Variants in ALMS1 observed in about 807,000 individuals in gnomAD.
ALMS1 encodes the protein centrosome-associated protein ALMS1.
ALMS1 carries 271 observed loss-of-function variants against 352.2 expected under a neutral mutation model. The observed-to-expected ratio is 0.77, with a 90% CI of 0.70 to 0.85. The LOEUF is 0.85. Among genes scored for constraint, ALMS1 ranks in the 40% least tolerant of loss-of-function variants. The probability of loss-of-function intolerance (pLI) is 0.00; values close to 1 mark genes in which losing one functional copy is unlikely to be tolerated. For synonymous variants in ALMS1, 1,865 were observed against 1,761.2 expected (o/e 1.06, Z -1.48); for missense variants, 5,445 against 4,870.7 (o/e 1.12, Z -3.51).
rs1283224132 is a variant in ALMS1 at position 73,385,895 on chromosome 2, G to C, written c.27G>C (p.Pro9=). ...TGGAGCCCGAGGATCTGCCATGGCC[G>C]GGCGAGCTGGAGGAGGAGGAGGAGG... MEPEDLPW[P]GELEEEEEEE... is the part of the protein sequence containing the mutation. The change falls in exon 1 of 23, where the codon CCG becomes CCC. Residue 9 remains proline (P), a synonymous_variant. Coordinates refer to ENST00000613296, the MANE Select transcript of ALMS1 (RefSeq NM_001378454.1). 2.3e-6 allele frequency: 2 copies of C among 882,650 alleles called. No homozygotes were observed. The highest frequency in any genetic ancestry group is 3.6e-6 in the Non-Finnish European group (2 of 552,600). 54.7% of individuals were successfully genotyped at this position (882,650 alleles called of 1,614,324 possible).
intron 16 of ALMS1, among the ~76,000 whole-genome samples, chr2:73,582,514 GAAC>G (rs141356237): frequency 0.048 from 7,249 of 152,128 alleles, 416 homozygotes; most frequent in African/African-American, 0.12. Context: ...TATACCCATT[GAAC>G]AACAACTGCC....
intron 9 of ALMS1, among the ~76,000 whole-genome samples, chr2:73,473,234 A>G (rs570077649): frequency 1.4e-5 from 2 of 144,290 alleles, no homozygotes; most frequent in East Asian, 4.3e-4. Flanking sequence ...CCCAACACAG[A>G]GCAAAAAAGA....
At chr2:73,595,212 A>T (rs1257783666) in intron 16 of ALMS1, among the ~76,000 whole-genome samples, 2 of 152,208 alleles carry the variant, frequency 1.3e-5, no homozygotes, top group African/African-American at 4.8e-5. Flanking sequence ...CATCCATTTT[A>T]AGTGTACAGT....
Position 73,550,302 on chromosome 2 carries a change from C to T in ALMS1, c.9943C>T (p.Gln3315Ter). The stretch of plus-strand genomic sequence containing the variant: ...TGCCATTGCTCCAGACTTCCCAGCT[C>T]AGGTGCTAGGCACAAGAGATGATGA... ...NDAIAPDFPA[Q>*]VLGTRDDDLS... The change falls in exon 13 of 23, where the codon CAG becomes TAG. Residue 3315 changes from glutamine (Q) to a stop codon, truncating the protein, a stop_gained. Transcript: ENST00000613296. LOFTEE classifies it high-confidence loss of function. 1 of 1,614,098 alleles carries T rather than the reference C, an allele frequency of 6.2e-7. No individual in the cohort carries two copies. The highest frequency in any genetic ancestry group is 1.1e-5 in the South Asian group (1 of 91,056).
chr2:73,572,782 T>C lies in ALMS1; in HGVS notation c.10905T>C (p.Ile3635=), dbSNP rs766717499. Residue 3635 remains isoleucine (I), a synonymous_variant, in exon 16 of 23, where the codon ATT becomes ATC. Coordinates refer to ENST00000613296, the MANE Select transcript of ALMS1 (RefSeq NM_001378454.1). ...ACCGACTTGATCGTTTGGCTAAAAT[T>C]CTTCAGAATCCAATCACACATTCTC... ...LVDRLDRLAK[I]LQNPITHSLQ... 1 of 1,614,062 alleles carries C rather than the reference T, an allele frequency of 6.2e-7. No individual in the cohort carries two copies. The highest frequency in any genetic ancestry group is 1.1e-5 in the South Asian group (1 of 91,082).
chr2:73,399,281 G>A (rs146203039), intron 1 of ALMS1, among the ~76,000 whole-genome samples: 246 of 152,194 alleles, frequency 1.6e-3, no homozygotes, highest in Non-Finnish European at 2.2e-3. Context: ...TACACTGTTG[G>A]ACAGTGGTGA....
At position 73,432,255 on chromosome 2, in the gene ALMS1, G is replaced by C; in HGVS notation, c.1396G>C (p.Asp466His). 1 of 1,613,480 alleles carries C rather than the reference G, an allele frequency of 6.2e-7. No individual in the cohort carries two copies. The highest frequency in any genetic ancestry group is 8.5e-7 in the Non-Finnish European group (1 of 1,179,538). ...SDLRMLRMSP[D>H]TVPKAPKHLK... ...TCTCAGAATGTTGAGGATGTCTCCT[G>C]ACACTGTGCCAAAGGCTCCTAAACA... is the stretch of plus-strand genomic sequence containing the variant. Residue 466 changes from aspartate (D) to histidine (H), a missense_variant, in exon 7 of 23, where the codon GAC (aspartate) becomes CAC (histidine). Physicochemically the swap from Asp to His is moderately conservative, Grantham distance 81 (BLOSUM62 -1). Coordinates refer to ENST00000613296, the MANE Select transcript of ALMS1 (RefSeq NM_001378454.1).
At chr2:73,550,956 C>T (rs1400328772) in intron 13 of ALMS1, among the ~76,000 whole-genome samples, 1 of 152,058 alleles carries the variant, frequency 6.6e-6, no homozygotes, top group Admixed American at 6.6e-5. Flanking sequence ...ATCCTCCCAC[C>T]TCAGCCTTCT....
At chr2:73,408,115 T>A (rs1038607891) in intron 1 of ALMS1, among the ~76,000 whole-genome samples, 1 of 152,212 alleles carries the variant, frequency 6.6e-6, no homozygotes, top group African/African-American at 2.4e-5. Flanking sequence ...CCTGAACCAG[T>A]GGGTGGCTTG....
intron 17 of ALMS1, 70 bp from the exon 18 acceptor site, chr2:73,600,608 C>A: frequency 1.4e-6 from 2 of 1,399,388 alleles, no homozygotes; most frequent in Non-Finnish European, 2.0e-6. Flanking sequence ...GGTTCACGTA[C>A]TCACTTGAAT....
rs867561704 is a variant in ALMS1 at position 73,453,904 on chromosome 2, C to T, written c.7377C>T (p.Ser2459=). The T allele has an allele frequency of 3.7e-6, 6 of 1,613,994 alleles. No homozygotes were observed. The highest frequency in any genetic ancestry group is 4.2e-6 in the Non-Finnish European group (5 of 1,179,948). ...CACCCAAGACAAGTATAACAGATAGCAGGGAGGAAGAGGGTGTGTCAGAGA... is the reference window on the plus strand; with the variant it reads ...CACCCAAGACAAGTATAACAGATAGTAGGGAGGAAGAGGGTGTGTCAGAGA... The part of the protein sequence containing the change: ...YVSPKTSITD[S]REEEGVSESE... Residue 2459 remains serine, a synonymous_variant, in exon 8 of 23, where the codon AGC becomes AGT. Transcript: ENST00000613296.
chr2:73,451,005 G>A lies in ALMS1; in HGVS notation c.4478G>A (p.Gly1493Asp), dbSNP rs1347210507. ...IVIYKQAFPE[G>D]HLPEESLKVS... ...ATCTACAAACAGGCCTTTCCAGAGGGTCATCTACCTGAAGAGTCTCTGAAA... is the reference window on the plus strand; with the variant it reads ...ATCTACAAACAGGCCTTTCCAGAGGATCATCTACCTGAAGAGTCTCTGAAA... Residue 1493 changes from glycine to aspartate, a missense_variant, in exon 8 of 23, where the codon GGT becomes GAT. Coordinates refer to ENST00000613296, the MANE Select transcript of ALMS1 (RefSeq NM_001378454.1). The A allele has an allele frequency of 6.2e-7, 1 of 1,613,866 alleles. No homozygotes were observed. Among genetic ancestry groups the A allele is most frequent in the Non-Finnish European group, 8.5e-7 (1 of 1,179,946 alleles).
At chr2:73,593,043 G>A (rs1377891168) in intron 16 of ALMS1, among the ~76,000 whole-genome samples, 1 of 152,040 alleles carries the variant, frequency 6.6e-6, no homozygotes, top group Non-Finnish European at 1.5e-5. Flanking sequence ...AAATCTTTAT[G>A]TGTCAGCTCC....
At position 73,451,073 on chromosome 2, in the gene ALMS1, C is replaced by G; in HGVS notation, c.4546C>G (p.Pro1516Ala). ...ACCAGTTGGCCAGACAACTGGCGCA[C>G]CAACTATAACCTCTCCTTCCTACTC... The part of the protein sequence containing the change: ...PGPVGQTTGA[P>A]TITSPSYSQH... Residue 1516 changes from proline to alanine, a missense_variant, in exon 8 of 23, where the codon CCA becomes GCA. Physicochemically the swap from Pro to Ala is conservative, Grantham distance 27 (BLOSUM62 -1). Transcript: ENST00000613296. 1 of 1,613,522 alleles carries G rather than the reference C, an allele frequency of 6.2e-7. No homozygotes were observed. The highest frequency in any genetic ancestry group is 1.3e-5 in the African/African-American group (1 of 74,824).
chr2:73,594,947 G>C (rs1427119368), intron 16 of ALMS1, among the ~76,000 whole-genome samples: 1 of 152,170 alleles, frequency 6.6e-6, no homozygotes, highest in Non-Finnish European at 1.5e-5. Flanking sequence ...CAGGTAGTGA[G>C]AGCGTATTGA....
chr2:73,477,306 T>G (rs1389491219), intron 9 of ALMS1, among the ~76,000 whole-genome samples: 1 of 152,116 alleles, frequency 6.6e-6, no homozygotes, highest in East Asian at 1.9e-4. Context: ...AATGTTAGTG[T>G]TTATTTCTGG....
intron 16 of ALMS1, among the ~76,000 whole-genome samples, chr2:73,592,694 A>G (rs551371284): frequency 6.6e-6 from 1 of 152,268 alleles, no homozygotes; most frequent in South Asian, 2.1e-4. Context: ...CCCTTTTCCT[A>G]TGTTGGATAT....
intron 1 of ALMS1, among the ~76,000 whole-genome samples, chr2:73,402,332 G>A (rs1473329921): frequency 4.1e-5 from 6 of 145,902 alleles, no homozygotes; most frequent in African/African-American, 1.5e-4. Context: ...GGAGTACAGC[G>A]GTGTGTTCTC....
chr2:73,497,426 G>A (rs1673131914), intron 10 of ALMS1, among the ~76,000 whole-genome samples: 1 of 152,000 alleles, frequency 6.6e-6, no homozygotes, highest in Admixed American at 6.6e-5. Flanking sequence ...TACCCAATAT[G>A]TAGTTTTTTT....
Sources: gnomAD v4.1 joint callset for allele counts (sites outside exome capture counted in the v4.1 genomes callset) on GRCh38, gnomAD v4.1.1 for gene constraint, MANE v1.5 for transcripts, NCBI Gene and HGNC (gene_info 2026-07-23, HGNC 2026-07-21) for gene names.